Variants in AGAP3 observed in about 807,000 individuals in gnomAD.
AGAP3 encodes arf-GAP with GTPase, ANK repeat and PH domain-containing protein 3.
In AGAP3, 24 loss-of-function variants were observed where a neutral mutation model predicts 96.9. That is an observed-to-expected ratio of 0.25 (90% CI 0.18 to 0.35). The LOEUF (loss-of-function observed/expected upper bound fraction) is 0.35. AGAP3 is among the 10% of genes least tolerant of loss of function. AGAP3 has a pLI of 1.00. For synonymous variants in AGAP3, 563 were observed against 536.1 expected, an observed-to-expected ratio of 1.05 and a Z score of -0.69; for missense variants, 876 against 1,254.2, an observed-to-expected ratio of 0.70 and a Z score of 4.55.
chr7:151,116,919 T>C, intron 2 of AGAP3, 68 bp downstream of exon 2: 2 of 1,593,426 alleles, frequency 1.3e-6, no homozygotes, highest in Non-Finnish European at 8.6e-7. Context: ...GCCGCGGGCC[T>C]GGGCCTTGCT....
chr7:151,097,517 C>CA (rs67915216), intron 1 of AGAP3, among the ~76,000 whole-genome samples: 2,037 of 95,332 alleles, frequency 0.021, 23 homozygotes, highest in African/African-American at 0.038. Context: ...GACTCTGTCT[C>CA]AAAAAAAAAA....
chr7:151,111,093 C>G (rs1317300020), intron 1 of AGAP3, among the ~76,000 whole-genome samples: 1 of 152,194 alleles, frequency 6.6e-6, no homozygotes, highest in African/African-American at 2.4e-5. Context: ...TGGACACCAG[C>G]CAGTCCTGGG....
chr7:151,104,103 A>G (rs1030204544), intron 1 of AGAP3, among the ~76,000 whole-genome samples: 3 of 152,160 alleles, frequency 2.0e-5, no homozygotes, highest in Admixed American at 2.0e-4. Flanking sequence ...CACGCTCGAA[A>G]TAAACTGCCC....
chr7:151,109,749 A>G (rs1799205701), intron 1 of AGAP3, among the ~76,000 whole-genome samples: 1 of 152,174 alleles, frequency 6.6e-6, no homozygotes, highest in African/African-American at 2.4e-5. Flanking sequence ...CAGGAATCAA[A>G]GCCAAGCTGA....
rs1799713560 is a variant in AGAP3, at chr7:151,118,630, C to G, written c.967C>G (p.Gln323Glu). 1 of 1,612,410 alleles carries G rather than the reference C, an allele frequency of 6.2e-7. No individual in the cohort carries two copies. The highest frequency in any genetic ancestry group is 8.5e-7 in the Non-Finnish European group (1 of 1,179,846). The change falls in exon 7 of 18, where the codon CAG (glutamine) becomes GAG (glutamate). Residue 323 changes from glutamine to glutamate, a missense_variant and splice_region_variant. Gln to Glu is a conservative substitution (Grantham distance 29). Transcript: ENST00000397238. The surrounding 1 kb of genome is among the most constrained non-coding windows in gnomAD (Gnocchi z 6.1). ...AASIPAVHINQATNGGGSAFS... is the reference protein window; with the variant it reads ...AASIPAVHINEATNGGGSAFS... The stretch of plus-strand genomic sequence containing the variant: ...CTCCATCCCGGCCGTGCACATCAAC[C>G]AGGTTCGGCCTGTGCCCCGCCCTGC...
intron 1 of AGAP3, among the ~76,000 whole-genome samples, chr7:151,097,678 TG>T (rs1455312914): frequency 6.6e-6 from 1 of 151,994 alleles, no homozygotes; most frequent in East Asian, 1.9e-4. Context: ...AGTCACATGG[TG>T]GAAGTGGGAG....
At chr7:151,102,804 C>T (rs545661412) in intron 1 of AGAP3, among the ~76,000 whole-genome samples, 6 of 152,066 alleles carry the variant, frequency 3.9e-5, no homozygotes, top group East Asian at 1.9e-4. Flanking sequence ...TTAGTAGAGA[C>T]GAGGTTTCTC....
chr7:151,120,448 G>T, intron 8 of AGAP3: 1 of 664,678 alleles, frequency 1.5e-6, no homozygotes, highest in East Asian at 3.2e-5. Context: ...GGCCCCTTTA[G>T]GGTGTCTGTG....
At chr7:151,125,537 C>T (rs1445958308) in intron 9 of AGAP3, among the ~76,000 whole-genome samples, 1 of 152,204 alleles carries the variant, frequency 6.6e-6, no homozygotes, top group Non-Finnish European at 1.5e-5. Flanking sequence ...GAGGCCTGTG[C>T]CTGATGCAGT....
chr7:151,133,331 A>G lies in AGAP3; in HGVS notation c.1327-1069A>G, dbSNP rs967496121. Among the ~76,000 whole-genome samples, 3 of 152,182 alleles carry G rather than the reference A, an allele frequency of 2.0e-5. No homozygotes were observed. Among genetic ancestry groups the G allele is most frequent in the African/African-American group, 7.2e-5 (3 of 41,446 alleles). On this transcript the variant is annotated intron_variant, in intron 10 of 17. Transcript: ENST00000397238. The surrounding 1 kb of genome is among the most constrained non-coding windows in gnomAD (Gnocchi z 5.4). Reference sequence around the variant, plus strand: ...GACAGCCCTTAGGGCAGTGTCTGATACTAAACACTTGTCAAACAGTTTAAA... The same window carrying G: ...GACAGCCCTTAGGGCAGTGTCTGATGCTAAACACTTGTCAAACAGTTTAAA...
Position 151,133,319 on chromosome 7 carries a change from G to A in AGAP3, c.1327-1081G>A, listed in dbSNP as rs1215365136. On this transcript the variant is annotated intron_variant, in intron 10 of 17. Transcript: ENST00000397238. The surrounding 1 kb of genome is among the most constrained non-coding windows in gnomAD (Gnocchi z 5.4). ...GCAACAGGCTGGGACAGCCCTTAGG[G>A]CAGTGTCTGATACTAAACACTTGTC... is the stretch of plus-strand genomic sequence containing the variant. 6.6e-6 allele frequency among the ~76,000 whole-genome samples: 1 copy of A among 152,186 alleles called. No homozygotes were observed. Among genetic ancestry groups the A allele is most frequent in the Non-Finnish European group, 1.5e-5 (1 of 68,022 alleles).
At position 151,123,774 on chromosome 7, in the gene AGAP3, C is replaced by G. The variant is rs1251987865; in HGVS notation, c.1129-20C>G. The G allele has an allele frequency of 6.2e-7, 1 of 1,612,776 alleles. No individual in the cohort carries two copies. Among genetic ancestry groups the G allele is most frequent in the African/African-American group, 1.3e-5 (1 of 74,914 alleles). ...GCAGACCCTGGGCCTCTTTAACACG[C>G]CTCTTGTTTTCTCTTCCAGTCTCGG... On this transcript the variant is annotated intron_variant, in intron 8 of 17. Coordinates refer to ENST00000397238, the MANE Select transcript of AGAP3 (RefSeq NM_031946.7).
chr7:151,118,219 G>A lies in AGAP3; in HGVS notation c.716G>A (p.Ser239Asn), dbSNP rs951194599. 4 of 1,610,264 alleles carry A rather than the reference G, an allele frequency of 2.5e-6. No individual in the cohort carries two copies. Among genetic ancestry groups the A allele is most frequent in the Admixed American group, 1.7e-5 (1 of 59,806 alleles). Residue 239 changes from serine (S) to asparagine (N), a missense_variant, in exon 6 of 18, where the codon AGC (serine) becomes AAC (asparagine). Transcript: ENST00000397238. The surrounding 1 kb of genome is among the most constrained non-coding windows in gnomAD (Gnocchi z 6.1). The part of the protein sequence containing the change: ...MVLVGTQDAI[S>N]AANPRVIDDS... Reference sequence around the variant, plus strand: ...CTCCCACCTCCAACAGATGCCATCAGCGCTGCGAATCCCCGGGTTATCGAC... The same window carrying A: ...CTCCCACCTCCAACAGATGCCATCAACGCTGCGAATCCCCGGGTTATCGAC...
At chr7:151,089,396 A>G (rs1390776525) in intron 1 of AGAP3, among the ~76,000 whole-genome samples, 5 of 151,932 alleles carry the variant, frequency 3.3e-5, no homozygotes, top group Non-Finnish European at 5.9e-5. Flanking sequence ...AGGCTGTTAC[A>G]TAAACACAGT....
chr7:151,089,232 T>A (rs147197982), intron 1 of AGAP3, among the ~76,000 whole-genome samples: 21 of 152,348 alleles, frequency 1.4e-4, no homozygotes, highest in Non-Finnish European at 2.4e-4. Flanking sequence ...CCTCTCCATC[T>A]GCCAAACCAT....
At chr7:151,123,242 C>A in intron 8 of AGAP3, 1 of 1,068,808 alleles carries the variant, frequency 9.4e-7, no homozygotes, top group Non-Finnish European at 1.1e-6. Flanking sequence ...TGGCCTCCCC[C>A]TATTTCCTAG....
intron 1 of AGAP3, among the ~76,000 whole-genome samples, chr7:151,115,934 C>T (rs1027454938): frequency 1.3e-5 from 2 of 152,156 alleles, no homozygotes; most frequent in Non-Finnish European, 2.9e-5. Flanking sequence ...AGCGCGCTCG[C>T]CTCCGGTTGC....
rs1563524017 is a variant in AGAP3 at position 151,138,207 on chromosome 7, G to A, written c.1560G>A (p.Trp520Ter). Residue 520 changes from tryptophan (W) to a stop codon, truncating the protein, a stop_gained, in exon 12 of 18, where the codon TGG becomes TGA. Transcript: ENST00000397238. LOFTEE classifies it high-confidence loss of function. Reference sequence around the variant, plus strand: ...AGCGCCCCCTCAGCAGCTCGGCCTGGGCTGGCCCGCGCCCTGAGGGGCTGC... The same window carrying A: ...AGCGCCCCCTCAGCAGCTCGGCCTGAGCTGGCCCGCGCCCTGAGGGGCTGC... ...HSERPLSSSAWAGPRPEGLHQ... is the reference protein window; with the variant it reads ...HSERPLSSSA The A allele has an allele frequency of 9.9e-6, 16 of 1,611,282 alleles. No individual in the cohort carries two copies. The highest frequency in any genetic ancestry group is 1.4e-5 in the Non-Finnish European group (16 of 1,179,302).
chr7:151,117,974 A>C, intron 5 of AGAP3, 197 bp downstream of exon 5: 1 of 893,380 alleles, frequency 1.1e-6, no homozygotes, highest in Non-Finnish European at 1.7e-6. Flanking sequence ...CCCTGTGACT[A>C]GCAGGTCTGT....
Sources: gnomAD v4.1 joint callset for allele counts (sites outside exome capture counted in the v4.1 genomes callset) on GRCh38, gnomAD v4.1.1 for gene constraint, Gnocchi (gnomAD v3.1) non-coding constraint, MANE v1.5 for transcripts, NCBI Gene and HGNC (gene_info 2026-07-23, HGNC 2026-07-21) for gene names.